Variants in SUMF1 observed in about 807,000 individuals in gnomAD.
SUMF1 encodes the protein formylglycine-generating enzyme.
Under a neutral mutation model 47.6 loss-of-function variants are expected in SUMF1, and 48 were observed. The observed-to-expected ratio is 1.01, with a 90% confidence interval of 0.80 to 1.28. The LOEUF is 1.28. Among genes scored for constraint, SUMF1 ranks in the 50% most tolerant of loss-of-function variants. The pLI, the probability that SUMF1 is intolerant of heterozygous loss-of-function variation, is 0.00. For synonymous variants in SUMF1, 230 were observed against 192.1 expected (o/e 1.20, Z -1.63); for missense variants, 571 against 485.4 (o/e 1.18, Z -1.66).
chr3:4,066,096 T>C (rs1695370553), intron 9 of SUMF1, among the ~76,000 whole-genome samples: 1 of 151,276 alleles, frequency 6.6e-6, no homozygotes, highest in Admixed American at 6.6e-5. Flanking sequence ...TAGGGAAGGG[T>C]GAAAAGTGGA....
At chr3:4,303,953 C>G in intron 8 of SUMF1, 1 of 951,698 alleles carries the variant, frequency 1.1e-6, no homozygotes, top group South Asian at 1.8e-5. Context: ...TAGCTGTGGT[C>G]TCCCTCACGC....
At chr3:4,227,272 C>T (rs927779362) in intron 8 of SUMF1, among the ~76,000 whole-genome samples, 6 of 152,152 alleles carry the variant, frequency 3.9e-5, no homozygotes, top group African/African-American at 1.4e-4. Flanking sequence ...CTACTATGTG[C>T]CTGCAACAGG....
At chr3:4,279,059 A>T (rs1472024597) in intron 8 of SUMF1, among the ~76,000 whole-genome samples, 1 of 152,138 alleles carries the variant, frequency 6.6e-6, no homozygotes, top group African/African-American at 2.4e-5. Flanking sequence ...AAAGGATTGG[A>T]AAATTTTTTT....
intron 8 of SUMF1, among the ~76,000 whole-genome samples, chr3:4,259,491 C>G (rs1697038820): frequency 6.6e-6 from 1 of 152,018 alleles, no homozygotes; most frequent in Non-Finnish European, 1.5e-5. Context: ...ATATTTCTGT[C>G]TTTTTGACAA....
intron 9 of SUMF1, among the ~76,000 whole-genome samples, chr3:4,051,192 A>G (rs1574845993): frequency 6.6e-6 from 1 of 151,954 alleles, no homozygotes; most frequent in Non-Finnish European, 1.5e-5. Context: ...ACTGGAAACT[A>G]CCTGTTCCTC....
At chr3:4,292,962 G>T (rs1415616940) in intron 8 of SUMF1, among the ~76,000 whole-genome samples, 1 of 152,068 alleles carries the variant, frequency 6.6e-6, no homozygotes, top group Non-Finnish European at 1.5e-5. Context: ...TAAGCTCATG[G>T]GTGAGTTCCA....
chr3:4,292,520 G>A (rs1391018347), intron 8 of SUMF1, among the ~76,000 whole-genome samples: 4 of 152,150 alleles, frequency 2.6e-5, no homozygotes, highest in South Asian at 2.1e-4. Context: ...TTCACCTCGT[G>A]GTCTATTCCA....
intron 7 of SUMF1, among the ~76,000 whole-genome samples, chr3:4,393,382 C>T (rs1047381904): frequency 6.6e-6 from 1 of 152,120 alleles, no homozygotes; most frequent in Non-Finnish European, 1.5e-5. Context: ...ACCCAGGCCA[C>T]AATGCAGTGG....
intron 8 of SUMF1, among the ~76,000 whole-genome samples, chr3:4,365,841 G>A (rs186433485): frequency 1.3e-5 from 2 of 152,046 alleles, no homozygotes; most frequent in African/African-American, 2.4e-5. Context: ...GCATGATTTT[G>A]CAGTGGCTGG....
intron 9 of SUMF1, among the ~76,000 whole-genome samples, chr3:4,066,981 T>C (rs1695392997): frequency 6.6e-6 from 1 of 152,164 alleles, no homozygotes; most frequent in South Asian, 2.1e-4. Flanking sequence ...AACCACAGTC[T>C]TGATTTATGA....
intron 8 of SUMF1, among the ~76,000 whole-genome samples, chr3:4,199,816 A>G (rs910025407): frequency 6.6e-6 from 1 of 152,026 alleles, no homozygotes; most frequent in Admixed American, 6.6e-5. Flanking sequence ...TTTTAATTGG[A>G]TTATGAATCT....
At chr3:4,098,536 A>T (rs1023869728) in intron 8 of SUMF1, among the ~76,000 whole-genome samples, 9 of 152,258 alleles carry the variant, frequency 5.9e-5, no homozygotes, top group African/African-American at 2.2e-4. Flanking sequence ...TGTGGCAATG[A>T]TTAATGGCTC....
intron 3 of SUMF1, among the ~76,000 whole-genome samples, chr3:4,422,651 T>A (rs1218633589): frequency 6.6e-6 from 1 of 152,146 alleles, no homozygotes; most frequent in Non-Finnish European, 1.5e-5. Flanking sequence ...CTGCCGACAG[T>A]ACATGGTGGA....
Position 4,449,230 on chromosome 3 carries a change from T to C in SUMF1, c.519+36A>G, listed in dbSNP as rs538406276. On this transcript the variant is annotated intron_variant, in intron 3 of 8. Coordinates refer to ENST00000272902, the MANE Select transcript of SUMF1 (RefSeq NM_182760.4). Reference sequence around the variant, plus strand: ...CACCCAAACCCTTTTCAATGAGCCTTAGAGAAATACAGGAGCCTGTTGAAA... The same window carrying C: ...CACCCAAACCCTTTTCAATGAGCCTCAGAGAAATACAGGAGCCTGTTGAAA... 8.4e-5 allele frequency: 135 copies of C among 1,611,940 alleles called. No homozygotes were observed. The South Asian group carries it at 1.4e-3, about 17-fold the overall frequency.
At chr3:4,309,260 G>C (rs777784790) in intron 8 of SUMF1, among the ~76,000 whole-genome samples, 2 of 152,138 alleles carry the variant, frequency 1.3e-5, no homozygotes, top group Admixed American at 1.3e-4. Context: ...AATTCCAAAA[G>C]GGAAGAGGGT....
At chr3:4,132,077 T>C (rs987981286) in intron 8 of SUMF1, among the ~76,000 whole-genome samples, 4 of 152,140 alleles carry the variant, frequency 2.6e-5, no homozygotes, top group African/African-American at 7.2e-5. Context: ...AGGTTGGTTA[T>C]ATTGGACCTC....
Position 4,456,700 on chromosome 3 carries a change from ATATACG to A in SUMF1, c.271-3657_271-3652del, listed in dbSNP as rs1478890610. Among the ~76,000 whole-genome samples the A allele has an allele frequency of 4.8e-4, 63 of 132,044 alleles. 3 individuals are homozygous for A. Among genetic ancestry groups the A allele is most frequent in the Non-Finnish European group, 6.6e-4 (41 of 62,464 alleles). The allele number at this position is 132,044 out of a possible 152,430, so 86.6% of individuals were successfully genotyped here. On this transcript the variant is annotated intron_variant, in intron 1 of 8. Coordinates refer to ENST00000272902, the MANE Select transcript of SUMF1 (RefSeq NM_182760.4). ...TGTATATATATATGTGTGTATATAT[ATATACG>A]TATATATATACATATATATACGTGT...
chr3:4,408,317 G>T (rs1359175891), intron 7 of SUMF1, among the ~76,000 whole-genome samples: 1 of 152,152 alleles, frequency 6.6e-6, no homozygotes, highest in Non-Finnish European at 1.5e-5. Flanking sequence ...GAGAAGAACA[G>T]TTTTTGTTCT....
intron 8 of SUMF1, among the ~76,000 whole-genome samples, chr3:4,350,187 A>AT (rs1699464294): frequency 6.6e-6 from 1 of 151,520 alleles, no homozygotes; most frequent in South Asian, 2.1e-4. Flanking sequence ...TTTTTTTAGT[A>AT]TTAAAAAATC....
Sources: allele counts gnomAD v4.1 joint callset (sites outside exome capture counted in the v4.1 genomes callset), GRCh38; gene constraint gnomAD v4.1.1; transcripts MANE v1.5; gene names NCBI Gene and HGNC (gene_info 2026-07-23, HGNC 2026-07-21).